The following CFI variants were observed in gnomAD, a reference collection of about 807,000 sequenced individuals.
CFI encodes the protein complement factor I, also known as C3B/C4B inactivator.
Under a neutral mutation model 78.8 loss-of-function variants are expected in CFI, and 66 were observed. That is an observed-to-expected ratio of 0.84 (90% CI 0.69 to 1.03). The LOEUF is 1.03. Among genes scored for constraint, CFI ranks in the 50% least tolerant of loss-of-function variants. The pLI, the probability that CFI is intolerant of heterozygous loss-of-function variation, is 0.00. For missense variants in CFI, 706 were observed against 704.5 expected, an observed-to-expected ratio of 1.00 and a Z score of -0.02; for synonymous variants, 250 against 232.6, an observed-to-expected ratio of 1.07 and a Z score of -0.68.
the CFI span, among the ~76,000 whole-genome samples, chr4:109,735,384 A>G: frequency 6.6e-6 from 1 of 152,262 alleles, no homozygotes; most frequent in Non-Finnish European, 1.5e-5. Context: ...ACATGGTAGT[A>G]TTGATGAGAT....
chr4:109,741,408 A>T (rs1723777440), intron 12 of CFI: 1 of 965,542 alleles, frequency 1.0e-6, no homozygotes, highest in Non-Finnish European at 1.2e-6. Context: ...AATGCTGAGT[A>T]GGAAAATGAT....
At chr4:109,759,677 C>A (rs1369844194) in intron 6 of CFI, among the ~76,000 whole-genome samples, 2 of 152,072 alleles carry the variant, frequency 1.3e-5, no homozygotes, top group Non-Finnish European at 2.9e-5. Context: ...CCAAGATCAT[C>A]TGAGGTCAGG....
chr4:109,753,507 AT>A (rs1561293762), intron 7 of CFI, among the ~76,000 whole-genome samples: 25 of 18,378 alleles, frequency 1.4e-3, no homozygotes, highest in Admixed American at 4.1e-3. Flanking sequence ...TAATATATTT[AT>A]TATATAAATA....
At chr4:109,798,708 T>C (rs1250359702) in intron 1 of CFI, among the ~76,000 whole-genome samples, 1 of 151,864 alleles carries the variant, frequency 6.6e-6, no homozygotes, top group African/African-American at 2.4e-5. Context: ...CTCTTCCTTC[T>C]GCTTGGGGTT....
At chr4:109,777,722 A>G (rs186310851) in intron 1 of CFI, among the ~76,000 whole-genome samples, 43 of 152,336 alleles carry the variant, frequency 2.8e-4, no homozygotes, top group African/African-American at 9.1e-4. Flanking sequence ...AACTGACCAC[A>G]TAGTTGGAAG....
At chr4:109,784,715 T>TA (rs938146660) in intron 1 of CFI, among the ~76,000 whole-genome samples, 1 of 152,144 alleles carries the variant, frequency 6.6e-6, no homozygotes, top group Non-Finnish European at 1.5e-5. Context: ...TCAGCAGTAC[T>TA]AAAAAGACTA....
intron 3 of CFI, chr4:109,764,240 A>G (rs931045055): frequency 4.5e-6 from 2 of 440,988 alleles, no homozygotes; most frequent in Admixed American, 3.6e-5. Flanking sequence ...AAAAGTGTAC[A>G]TAATTGTAGA....
chr4:109,786,041 TA>T (rs539025294), intron 1 of CFI, among the ~76,000 whole-genome samples: 4 of 147,928 alleles, frequency 2.7e-5, no homozygotes, highest in East Asian at 2.0e-4. Flanking sequence ...AAAAATTCTT[TA>T]AAAAAAAAAC....
At chr4:109,771,669 G>A (rs533114968) in intron 1 of CFI, among the ~76,000 whole-genome samples, 5 of 121,906 alleles carry the variant, frequency 4.1e-5, no homozygotes, top group Admixed American at 1.2e-4. Context: ...AGCCGAGATC[G>A]CACCAGTGCA....
intron 1 of CFI, among the ~76,000 whole-genome samples, chr4:109,799,133 C>T (rs1330149419): frequency 6.6e-6 from 1 of 152,104 alleles, no homozygotes; most frequent in Non-Finnish European, 1.5e-5. Flanking sequence ...CCTAAACTCC[C>T]CAATACACAC....
chr4:109,777,379 CAAAG>C (rs1729392198), intron 1 of CFI, among the ~76,000 whole-genome samples: 1 of 152,054 alleles, frequency 6.6e-6, no homozygotes, highest in South Asian at 2.1e-4. Flanking sequence ...TCAAAAGAGA[CAAAG>C]AAAGTCATTA....
chr4:109,778,236 C>T (rs879279714), intron 1 of CFI, among the ~76,000 whole-genome samples: 9 of 151,830 alleles, frequency 5.9e-5, no homozygotes, highest in Non-Finnish European at 1.3e-4. Context: ...AGACTGCTAG[C>T]AAGACTAATA....
At chr4:109,747,727 A>G (rs796809308) in intron 10 of CFI, among the ~76,000 whole-genome samples, 22 of 152,282 alleles carry the variant, frequency 1.4e-4, no homozygotes, top group African/African-American at 5.3e-4. Context: ...AGTGTTCCTC[A>G]ACCTTTTTGG....
intron 1 of CFI, among the ~76,000 whole-genome samples, chr4:109,785,684 TATAATCCCC>T (rs2125854630): frequency 6.6e-6 from 1 of 152,202 alleles, no homozygotes; most frequent in African/African-American, 2.4e-5. Flanking sequence ...CATCTTGAAT[TATAATCCCC>T]ATAATCCCCA....
chr4:109,748,099 CTT>C (rs1724699933), intron 10 of CFI, among the ~76,000 whole-genome samples: 1 of 152,102 alleles, frequency 6.6e-6, no homozygotes, highest in Non-Finnish European at 1.5e-5. Context: ...CAGAATTTAT[CTT>C]TACATAAGGG....
At position 109,761,608 on chromosome 4, in the gene CFI, T is replaced by C. The variant is rs530697497; in HGVS notation, c.567A>G (p.Leu189=). The C allele has an allele frequency of 5.0e-6, 8 of 1,613,904 alleles. No individual in the cohort carries two copies. The African/African-American group carries it at 5.3e-5, about 11-fold the overall frequency. ...TECLHVHCRG[L]ETSLAECTFT... ...AAGTACATTCAGCCAAACTGGTCTC[T>C]AATCCTCGGCAATGCACATGTAGAC... The change falls in exon 4 of 13, where the codon TTA becomes TTG. Residue 189 remains leucine, a synonymous_variant. Coordinates refer to ENST00000394634, the MANE Select transcript of CFI (RefSeq NM_000204.5).
intron 11 of CFI, among the ~76,000 whole-genome samples, chr4:109,742,816 A>T (rs932394061): frequency 1.3e-5 from 2 of 152,214 alleles, no homozygotes; most frequent in African/African-American, 4.8e-5. Flanking sequence ...CTGAAGTCAC[A>T]TTCATTTAAT....
chr4:109,751,242 A>G (rs549395577), intron 8 of CFI, among the ~76,000 whole-genome samples: 10 of 152,100 alleles, frequency 6.6e-5, no homozygotes, highest in African/African-American at 1.9e-4. Context: ...GGTCTCACCC[A>G]TCCTAAGAAC....
At chr4:109,787,596 G>T (rs1223606519) in intron 1 of CFI, among the ~76,000 whole-genome samples, 1 of 147,438 alleles carries the variant, frequency 6.8e-6, no homozygotes, top group East Asian at 2.0e-4. Flanking sequence ...AAGGTCTTTT[G>T]TTTTTTTTTT....
Sources: gnomAD v4.1 joint callset for allele counts (sites outside exome capture counted in the v4.1 genomes callset) on GRCh38, gnomAD v4.1.1 for gene constraint, MANE v1.5 for transcripts, NCBI Gene and HGNC (gene_info 2026-07-23, HGNC 2026-07-21) for gene names.